Variants in NALF1 observed in about 807,000 individuals in gnomAD.
The protein encoded by NALF1 is family with sequence similarity 155 member A.
In NALF1, 3 loss-of-function variants were observed where a neutral mutation model predicts 48.4. The observed-to-expected ratio is 0.06, with a 90% CI of 0.03 to 0.16. NALF1 has a LOEUF of 0.16. Among genes scored for constraint, NALF1 ranks in the 10% least tolerant of loss-of-function variants. The probability of loss-of-function intolerance (pLI) is 1.00; values close to 1 mark genes in which losing one functional copy is unlikely to be tolerated. For synonymous variants in NALF1, 262 were observed against 245.7 expected, an observed-to-expected ratio of 1.07 and a Z score of -0.62; for missense variants, 526 against 571.5, an observed-to-expected ratio of 0.92 and a Z score of 0.81.
At chr13:107,828,477 T>C (rs1304510408) in intron 1 of NALF1, among the ~76,000 whole-genome samples, 3 of 144,464 alleles carry the variant, frequency 2.1e-5, no homozygotes, top group African/African-American at 7.6e-5. Context: ...CTTTTTGTAG[T>C]TGAGCCACTG....
At chr13:107,680,609 C>CAA (rs1555317613) in intron 1 of NALF1, among the ~76,000 whole-genome samples, 3 of 151,238 alleles carry the variant, frequency 2.0e-5, no homozygotes, top group East Asian at 2.0e-4. Context: ...TATGTGTGCA[C>CAA]GAGTGAGGGT....
intron 1 of NALF1, among the ~76,000 whole-genome samples, chr13:107,795,332 G>A (rs902353672): frequency 2.0e-5 from 3 of 152,048 alleles, no homozygotes; most frequent in Admixed American, 6.5e-5. Flanking sequence ...ATCTGGGGAA[G>A]GGAAAAATTT....
At chr13:107,814,880 C>A (rs1398323128) in intron 1 of NALF1, among the ~76,000 whole-genome samples, 1 of 151,986 alleles carries the variant, frequency 6.6e-6, no homozygotes, top group Non-Finnish European at 1.5e-5. Context: ...AATGAAAATT[C>A]TTCTCAAGTG....
At chr13:107,406,498 C>T (rs886127680) in intron 1 of NALF1, among the ~76,000 whole-genome samples, 4 of 151,788 alleles carry the variant, frequency 2.6e-5, no homozygotes, top group East Asian at 1.9e-4. Flanking sequence ...AACACTGATG[C>T]AATAAATTAA....
At chr13:107,782,606 A>C (rs921057589) in intron 1 of NALF1, among the ~76,000 whole-genome samples, 2 of 150,912 alleles carry the variant, frequency 1.3e-5, no homozygotes, top group African/African-American at 4.9e-5. Context: ...CTAGGAAGTG[A>C]GGAGCGCCTC....
intron 1 of NALF1, among the ~76,000 whole-genome samples, chr13:107,714,324 A>G (rs983648068): frequency 6.6e-6 from 1 of 152,132 alleles, no homozygotes; most frequent in African/African-American, 2.4e-5. Context: ...GCTTCACACC[A>G]TGAGACTTGA....
At chr13:107,231,089 GA>G (rs1000403562) in intron 1 of NALF1, among the ~76,000 whole-genome samples, 3 of 132,696 alleles carry the variant, frequency 2.3e-5, no homozygotes, top group African/African-American at 8.3e-5. Context: ...AGGAAGAAAA[GA>G]AAAAACAAAA....
chr13:107,658,233 T>C (rs892935520), intron 1 of NALF1, among the ~76,000 whole-genome samples: 1 of 148,204 alleles, frequency 6.7e-6, no homozygotes, highest in Non-Finnish European at 1.5e-5. Context: ...TCTTACTTAG[T>C]CTTCAAAATT....
rs1878712660 is a variant in NALF1 at position 107,168,444 on chromosome 13, C to G, written c.*2053G>C. ...TGTTTCCATACACTAAAATATGATG[C>G]CTATGTGTATGTATCTGTCCACATG... On this transcript the variant is annotated 3_prime_UTR_variant, in exon 3 of 3. Transcript: ENST00000375915. 5.3e-5 allele frequency: 8 copies of G among 152,228 alleles called. No homozygotes were observed. In the South Asian group the frequency reaches 1.7e-3, roughly 32 times the overall value. The allele number at this position is 152,228 out of a possible 1,614,324, so 9.4% of individuals were successfully genotyped here.
intron 1 of NALF1, among the ~76,000 whole-genome samples, chr13:107,363,352 G>T (rs1481794186): frequency 6.6e-6 from 1 of 152,142 alleles, no homozygotes; most frequent in African/African-American, 2.4e-5. Context: ...AAAGTGCTTT[G>T]GGAGGCTGAG....
chr13:107,318,242 A>G (rs1882187710), intron 1 of NALF1, among the ~76,000 whole-genome samples: 1 of 152,164 alleles, frequency 6.6e-6, no homozygotes, highest in Admixed American at 6.6e-5. Context: ...AAAATATAAC[A>G]AAGCTTTTTG....
intron 1 of NALF1, among the ~76,000 whole-genome samples, chr13:107,623,446 G>GAAA (rs916920212): frequency 1.6e-5 from 2 of 125,844 alleles, no homozygotes; most frequent in East Asian, 5.6e-4. Context: ...AAAGAAATTA[G>GAAA]AAAAAAAAAA....
chr13:107,265,620 G>A (rs546343944), intron 1 of NALF1, among the ~76,000 whole-genome samples: 20 of 152,028 alleles, frequency 1.3e-4, no homozygotes, highest in Non-Finnish European at 1.9e-4. Context: ...TGGCCAAGCT[G>A]GTCACAAACT....
At chr13:107,245,161 G>A (rs1177985226) in intron 1 of NALF1, among the ~76,000 whole-genome samples, 3 of 152,080 alleles carry the variant, frequency 2.0e-5, no homozygotes, top group African/African-American at 7.2e-5. Flanking sequence ...TTCTAAAATT[G>A]GCAATGTATT....
At chr13:107,839,273 A>C (rs1879983685) in intron 1 of NALF1, among the ~76,000 whole-genome samples, 2 of 150,670 alleles carry the variant, frequency 1.3e-5, no homozygotes, top group African/African-American at 4.9e-5. Context: ...TTATTTAAGC[A>C]GTGTCCTAAC....
chr13:107,807,868 C>G (rs1192778164), intron 1 of NALF1, among the ~76,000 whole-genome samples: 1 of 152,016 alleles, frequency 6.6e-6, no homozygotes, highest in East Asian at 1.9e-4. Context: ...AATGACTGTA[C>G]CAAACAATGT....
In NALF1 at chr13:107,565,987, A is replaced by G. The variant is rs534084407; in HGVS notation, c.915+299695T>C. Among the ~76,000 whole-genome samples, 5 of 152,330 alleles carry G rather than the reference A, an allele frequency of 3.3e-5. No homozygotes were observed. The East Asian group carries it at 7.7e-4, about 23-fold the overall frequency. On this transcript the variant is annotated intron_variant, in intron 1 of 2. Transcript: ENST00000375915. ...TGTAACATATCACTGGCTAGAACGT[A>G]GATTTTCAGTTAAGAGATAATTATA... is the stretch of plus-strand genomic sequence containing the variant.
chr13:107,315,299 C>G (rs1328652653), intron 1 of NALF1, among the ~76,000 whole-genome samples: 1 of 152,028 alleles, frequency 6.6e-6, no homozygotes, highest in Non-Finnish European at 1.5e-5. Context: ...TCCCTCTGAG[C>G]CAGACCCTCC....
At chr13:107,593,836 A>G (rs1194185135) in intron 1 of NALF1, among the ~76,000 whole-genome samples, 1 of 151,488 alleles carries the variant, frequency 6.6e-6, no homozygotes, top group African/African-American at 2.4e-5. Flanking sequence ...AAAAAACAGA[A>G]ACGGAAACTT....
Sources: gnomAD v4.1 joint callset for allele counts (sites outside exome capture counted in the v4.1 genomes callset) on GRCh38, gnomAD v4.1.1 for gene constraint, MANE v1.5 for transcripts, NCBI Gene and HGNC (gene_info 2026-07-23, HGNC 2026-07-21) for gene names.